The following DLGAP4 variants were observed in gnomAD, a reference collection of about 807,000 sequenced individuals.
DLGAP4 encodes disks large-associated protein 4.
Under a neutral mutation model 86.9 loss-of-function variants are expected in DLGAP4, and 18 were observed. That is an observed-to-expected ratio of 0.21 (90% CI 0.14 to 0.31). DLGAP4 has a LOEUF of 0.31. DLGAP4 is among the 10% of genes least tolerant of loss of function. DLGAP4 has a pLI of 1.00. For missense variants in DLGAP4, 1,085 were observed against 1,362.6 expected (o/e 0.80, Z 3.21); for synonymous variants, 548 against 574.3 (o/e 0.95, Z 0.65).
chr20:36,434,634 T>C (rs762548054), intron 3 of DLGAP4, among the ~76,000 whole-genome samples: 1 of 151,994 alleles, frequency 6.6e-6, no homozygotes, highest in African/African-American at 2.4e-5. Flanking sequence ...CAAGGGACAG[T>C]GGGGATAGTG....
At chr20:36,488,330 CCT>C (rs780712235) in intron 7 of DLGAP4, among the ~76,000 whole-genome samples, 129 of 152,252 alleles carry the variant, frequency 8.5e-4, no homozygotes, top group African/African-American at 1.3e-3. Context: ...CAAATCTCCA[CCT>C]CTCTGTAACA....
chr20:36,497,491 C>A, intron 8 of DLGAP4: 3 of 1,021,240 alleles, frequency 2.9e-6, no homozygotes, highest in Non-Finnish European at 3.5e-6. Context: ...GCGGCAGGAG[C>A]AGCATGGAGC....
At chr20:36,343,559 A>C (rs1311905954) in intron 1 of DLGAP4, among the ~76,000 whole-genome samples, 1 of 151,732 alleles carries the variant, frequency 6.6e-6, no homozygotes. Flanking sequence ...CCCTATTCCC[A>C]CCGGAGGTGA....
intron 10 of DLGAP4, among the ~76,000 whole-genome samples, chr20:36,519,657 A>C (rs1345171458): frequency 1.3e-5 from 2 of 152,198 alleles, no homozygotes; most frequent in Admixed American, 6.5e-5. Flanking sequence ...TCGCTTTCTG[A>C]GGAACCACCC....
intron 7 of DLGAP4, among the ~76,000 whole-genome samples, chr20:36,469,686 GA>G (rs1490750010): frequency 6.6e-6 from 1 of 151,362 alleles, no homozygotes; most frequent in Admixed American, 6.6e-5. Flanking sequence ...CCGGGAGGTG[GA>G]GGTTGCAGTG....
intron 1 of DLGAP4, among the ~76,000 whole-genome samples, chr20:36,317,956 T>C (rs2065125312): frequency 6.6e-6 from 1 of 152,058 alleles, no homozygotes; most frequent in East Asian, 1.9e-4. Flanking sequence ...CCTGGGAGCA[T>C]GGCCCAGCAC....
chr20:36,461,367 C>G (rs1285351779), intron 7 of DLGAP4: 2 of 814,594 alleles, frequency 2.5e-6, no homozygotes, highest in East Asian at 1.3e-4. Flanking sequence ...CGCGCCCCTG[C>G]CCGGCCCGGG....
chr20:36,317,260 T>G (rs2065112685), intron 1 of DLGAP4, among the ~76,000 whole-genome samples: 2 of 56,090 alleles, frequency 3.6e-5, no homozygotes, highest in Admixed American at 4.4e-4. Flanking sequence ...TCTTTCTTTC[T>G]TTCTTTCTTT....
chr20:36,328,758 G>A (rs1487821660), intron 1 of DLGAP4, among the ~76,000 whole-genome samples: 1 of 151,190 alleles, frequency 6.6e-6, no homozygotes, highest in Non-Finnish European at 1.5e-5. Context: ...CCTCAGGCAT[G>A]AGCCAGCACA....
intron 10 of DLGAP4, among the ~76,000 whole-genome samples, chr20:36,506,517 C>T (rs1349915158): frequency 1.3e-5 from 2 of 152,166 alleles, no homozygotes; most frequent in Non-Finnish European, 2.9e-5. Context: ...GTCCCTTATC[C>T]AAAATACATA....
chr20:36,373,346 T>A (rs2031017240), intron 2 of DLGAP4, among the ~76,000 whole-genome samples: 3 of 152,264 alleles, frequency 2.0e-5, no homozygotes, highest in African/African-American at 4.8e-5. Context: ...TAAGCTCTCA[T>A]GTACAGGTAA....
intron 7 of DLGAP4, chr20:36,462,565 C>T: frequency 6.2e-7 from 1 of 1,601,922 alleles, no homozygotes; most frequent in Non-Finnish European, 8.5e-7. Flanking sequence ...CCCATCCGGC[C>T]CTCATGGCTT....
chr20:36,431,730 G>C lies in DLGAP4; in HGVS notation c.13G>C (p.Gly5Arg). 6.3e-7 allele frequency: 1 copy of C among 1,596,442 alleles called. No homozygotes were observed. Among genetic ancestry groups the C allele is most frequent in the Non-Finnish European group, 8.6e-7 (1 of 1,169,208 alleles). Residue 5 changes from glycine to arginine, a missense_variant, in exon 3 of 13, where the codon GGT (glycine) becomes CGT (arginine). Gly to Arg is a moderately radical substitution (Grantham distance 125). Around this residue, in one of 2 missense-constraint regions of DLGAP4, gnomAD observed 1,082 missense variants for 1,344.1 expected, o/e 0.81. Transcript: ENST00000339266. This position sits in a 1 kb window ranked among gnomAD's most constrained non-coding sequence, Gnocchi z 5.1. ...TCGGCCCGGGATCATGAAAGGCCTCGGTGACAGCCGCCCCCGCCACCTCTC... is the reference window on the plus strand; with the variant it reads ...TCGGCCCGGGATCATGAAAGGCCTCCGTGACAGCCGCCCCCGCCACCTCTC... MKGLGDSRPRHLSDS... is the reference protein window; with the variant it reads MKGLRDSRPRHLSDS...
intron 1 of DLGAP4, among the ~76,000 whole-genome samples, chr20:36,357,103 A>T (rs1600429545): frequency 6.6e-6 from 1 of 152,276 alleles, no homozygotes; most frequent in South Asian, 2.1e-4. Context: ...CTCCCAGGGT[A>T]AAGGCCAGAC....
chr20:36,461,655 G>GC (rs1347394890), intron 7 of DLGAP4: 1 of 352,244 alleles, frequency 2.8e-6, no homozygotes, highest in Non-Finnish European at 3.1e-6. Context: ...GGAGACGGGG[G>GC]CCGCCCCGCC....
At chr20:36,436,857 C>T (rs2033300008) in intron 4 of DLGAP4, among the ~76,000 whole-genome samples, 3 of 151,944 alleles carry the variant, frequency 2.0e-5, no homozygotes, top group Admixed American at 1.3e-4. Context: ...AAGCCCCGCC[C>T]GCGTGGAAGC....
intron 2 of DLGAP4, among the ~76,000 whole-genome samples, chr20:36,398,640 G>A (rs534474799): frequency 2.6e-5 from 4 of 152,258 alleles, no homozygotes; most frequent in East Asian, 3.9e-4. Context: ...TGATTGCCTC[G>A]TTTAACCCCC....
At chr20:36,417,943 C>A (rs756732523) in intron 2 of DLGAP4, among the ~76,000 whole-genome samples, 109 of 151,864 alleles carry the variant, frequency 7.2e-4, no homozygotes, top group Non-Finnish European at 1.3e-3. Flanking sequence ...CGCCACCATG[C>A]CCAGCTAATT....
chr20:36,353,596 G>A (rs570853965), intron 1 of DLGAP4, among the ~76,000 whole-genome samples: 43 of 152,378 alleles, frequency 2.8e-4, no homozygotes, highest in Admixed American at 5.2e-4. Context: ...AGGGGGCCCA[G>A]GAGCCGTACA....
Sources: allele counts gnomAD v4.1 joint callset (sites outside exome capture counted in the v4.1 genomes callset), GRCh38; gene constraint gnomAD v4.1.1; regional missense constraint gnomAD v4.1.1; non-coding constraint Gnocchi (gnomAD v3.1); transcripts MANE v1.5; gene names NCBI Gene and HGNC (gene_info 2026-07-23, HGNC 2026-07-21).